CACNA1D: variants seen among roughly 807,000 people sequenced by gnomAD.
CACNA1D encodes calcium voltage-gated channel subunit alpha1 D, also known as voltage-dependent L-type calcium channel subunit alpha-1D.
Under a neutral mutation model 257.1 loss-of-function variants are expected in CACNA1D, and 55 were observed. That is an observed-to-expected ratio of 0.21 (90% CI 0.17 to 0.27). The LOEUF (loss-of-function observed/expected upper bound fraction) is 0.27. CACNA1D is among the 10% of genes least tolerant of loss of function. CACNA1D has a pLI of 1.00. For synonymous variants in CACNA1D, 980 were observed against 1,014.9 expected (o/e 0.97, Z 0.65); for missense variants, 1,876 against 2,784.0 (o/e 0.67, Z 7.34).
chr3:53,724,009 C>G lies in CACNA1D; in HGVS notation c.2100+10C>G. 1 of 1,604,748 alleles carries G rather than the reference C, an allele frequency of 6.2e-7. No homozygotes were observed. On this transcript the variant is annotated intron_variant, in intron 14 of 47. Transcript: ENST00000350061. ...TCTCACAGTGTTCCAGGTGAGTCCT[C>G]CCTCCATTCCCCGAAAAGCACTTCG...
chr3:53,608,893 T>C (rs1261177883), intron 3 of CACNA1D, among the ~76,000 whole-genome samples: 1 of 152,238 alleles, frequency 6.6e-6, no homozygotes, highest in African/African-American at 2.4e-5. Context: ...TGTTATTTTG[T>C]AAGAATTTTT....
intron 30 of CACNA1D, among the ~76,000 whole-genome samples, chr3:53,767,225 T>A (rs940598346): frequency 3.3e-5 from 5 of 152,166 alleles, no homozygotes; most frequent in African/African-American, 1.2e-4. Flanking sequence ...GGACTGGAGT[T>A]CTCAGCTCTG....
At chr3:53,657,135 A>G (rs2094155285) in intron 4 of CACNA1D, among the ~76,000 whole-genome samples, 1 of 152,216 alleles carries the variant, frequency 6.6e-6, no homozygotes. Flanking sequence ...GAAGCAACCC[A>G]TATATCCCTC....
intron 34 of CACNA1D, among the ~76,000 whole-genome samples, chr3:53,775,393 A>G (rs1254846775): frequency 6.6e-6 from 1 of 152,148 alleles, no homozygotes; most frequent in Admixed American, 6.5e-5. Context: ...CCCAGGCAAC[A>G]TGGCAAAACC....
intron 3 of CACNA1D, among the ~76,000 whole-genome samples, chr3:53,535,055 A>G (rs895629124): frequency 2.0e-5 from 3 of 152,146 alleles, no homozygotes; most frequent in African/African-American, 4.8e-5. Flanking sequence ...GTTTGTAGGT[A>G]CACACAGGCA....
intron 3 of CACNA1D, among the ~76,000 whole-genome samples, chr3:53,555,410 A>G (rs906552856): frequency 3.1e-5 from 4 of 128,170 alleles, no homozygotes; most frequent in African/African-American, 6.1e-5. Flanking sequence ...CCTTTCCCCT[A>G]TTGCTCTCTG....
At chr3:53,727,803 G>C (rs1261049389) in intron 15 of CACNA1D, among the ~76,000 whole-genome samples, 1 of 152,122 alleles carries the variant, frequency 6.6e-6, no homozygotes, top group Non-Finnish European at 1.5e-5. Flanking sequence ...TCTGGATTCT[G>C]CTTCTAAGGT....
At chr3:53,659,736 T>C (rs1403021954) in intron 4 of CACNA1D, among the ~76,000 whole-genome samples, 1 of 152,254 alleles carries the variant, frequency 6.6e-6, no homozygotes, top group Non-Finnish European at 1.5e-5. Flanking sequence ...CTGCATAACA[T>C]TTTGTGAGAA....
At chr3:53,576,099 A>G (rs1026241263) in intron 3 of CACNA1D, among the ~76,000 whole-genome samples, 1 of 152,184 alleles carries the variant, frequency 6.6e-6, no homozygotes, top group Non-Finnish European at 1.5e-5. Flanking sequence ...GCTTTGCCTT[A>G]TCGGCTGTCC....
chr3:53,670,761 A>C (rs773537993), intron 7 of CACNA1D, among the ~76,000 whole-genome samples: 60 of 152,238 alleles, frequency 3.9e-4, no homozygotes, highest in Non-Finnish European at 3.1e-4. Context: ...GTCTAAATTG[A>C]AGTCCTTCAG....
chr3:53,729,491 C>A (rs2094967478), intron 15 of CACNA1D, among the ~76,000 whole-genome samples: 1 of 152,206 alleles, frequency 6.6e-6, no homozygotes, highest in South Asian at 2.1e-4. Context: ...GCATTTGTCA[C>A]AGAAGGGGGC....
Position 53,800,376 on chromosome 3 carries a change from C to T in CACNA1D, c.5040+11C>T. The T allele has an allele frequency of 6.5e-7, 1 of 1,531,238 alleles. No individual in the cohort carries two copies. The highest frequency in any genetic ancestry group is 9.1e-7 in the Non-Finnish European group (1 of 1,104,232). 94.9% of individuals were successfully genotyped at this position (1,531,238 alleles called of 1,614,324 possible). A position where few individuals can be genotyped will look rare whatever the true frequency, so the allele number is the denominator to read the frequency against. On this transcript the variant is annotated intron_variant, in intron 41 of 47. Transcript: ENST00000350061. The surrounding 1 kb of genome is among the most constrained non-coding windows in gnomAD (Gnocchi z 4.3). ...GATGATGTGTTCAAAGTAATTATTC[C>T]ACGCCTAGCTACACACTGGCCATCT...
At chr3:53,568,008 A>G (rs2092877158) in intron 3 of CACNA1D, among the ~76,000 whole-genome samples, 1 of 152,164 alleles carries the variant, frequency 6.6e-6, no homozygotes, top group Non-Finnish European at 1.5e-5. Flanking sequence ...GACTCTAAAT[A>G]AGTCGTTTAA....
At chr3:53,643,726 G>A (rs1262325645) in intron 3 of CACNA1D, among the ~76,000 whole-genome samples, 1 of 152,160 alleles carries the variant, frequency 6.6e-6, no homozygotes, top group Non-Finnish European at 1.5e-5. Context: ...GTGGCACCTG[G>A]GGCCCTTTGT....
At chr3:53,733,979 TATATATAC>T (rs2095029251) in intron 19 of CACNA1D, among the ~76,000 whole-genome samples, 1 of 138,510 alleles carries the variant, frequency 7.2e-6, no homozygotes, top group South Asian at 2.3e-4. Flanking sequence ...TATATGTATA[TATATATAC>T]ATATACATAT....
At chr3:53,647,669 A>G (rs1485954002) in intron 3 of CACNA1D, among the ~76,000 whole-genome samples, 2 of 152,138 alleles carry the variant, frequency 1.3e-5, no homozygotes, top group African/African-American at 4.8e-5. Flanking sequence ...TAATTATCCC[A>G]CTTCTCCTGA....
chr3:53,583,117 C>T (rs1445736616), intron 3 of CACNA1D, among the ~76,000 whole-genome samples: 2 of 152,306 alleles, frequency 1.3e-5, no homozygotes, highest in Non-Finnish European at 2.9e-5. Flanking sequence ...AAGATTATGT[C>T]TCATCCCTGC....
rs964120136 is a variant in CACNA1D, at chr3:53,673,884, A to T, written c.1220+758A>T. 6.3e-5 allele frequency: 60 copies of T among 953,916 alleles called. No homozygotes were observed. Among genetic ancestry groups the T allele is most frequent in the Non-Finnish European group, 9.2e-5 (53 of 577,854 alleles). 59.1% of individuals were successfully genotyped at this position (953,916 alleles called of 1,614,324 possible). On this transcript the variant is annotated intron_variant, in intron 8 of 47. Transcript: ENST00000350061. This position sits in a 1 kb window ranked among gnomAD's most constrained non-coding sequence, Gnocchi z 4.1. ...TGTGAGGCAACTCTGCGTGTCTCCT[A>T]GCTGCTCCCTGACAGCTTCTCTGCA... is the stretch of plus-strand genomic sequence containing the variant.
chr3:53,618,642 A>G (rs1247905970), intron 3 of CACNA1D, among the ~76,000 whole-genome samples: 2 of 152,168 alleles, frequency 1.3e-5, no homozygotes, highest in South Asian at 2.1e-4. Context: ...CTCTAGGCAT[A>G]GCACTGCACT....
Sources: allele counts gnomAD v4.1 joint callset (sites outside exome capture counted in the v4.1 genomes callset), GRCh38; gene constraint gnomAD v4.1.1; non-coding constraint Gnocchi (gnomAD v3.1); transcripts MANE v1.5; gene names NCBI Gene and HGNC (gene_info 2026-07-23, HGNC 2026-07-21).